The following RTN4 variants were observed in gnomAD, a reference collection of about 807,000 sequenced individuals.
RTN4 encodes the protein reticulon 4.
In RTN4, 32 loss-of-function variants were observed where a neutral mutation model predicts 90.4. The observed-to-expected ratio is 0.35, with a 90% CI of 0.27 to 0.48. The LOEUF (loss-of-function observed/expected upper bound fraction) is 0.48. RTN4 is among the 20% of genes least tolerant of loss of function. The probability of loss-of-function intolerance (pLI) is 0.99; values close to 1 mark genes in which losing one functional copy is unlikely to be tolerated. For synonymous variants in RTN4, 629 were observed against 552.5 expected (o/e 1.14, Z -1.94); for missense variants, 1,706 against 1,430.2 (o/e 1.19, Z -3.11).
At chr2:55,004,664 T>C (rs1281907369) in intron 3 of RTN4, among the ~76,000 whole-genome samples, 1 of 152,164 alleles carries the variant, frequency 6.6e-6, no homozygotes, top group Non-Finnish European at 1.5e-5. Flanking sequence ...TAAACCTGGC[T>C]GAACAATGGA....
At chr2:55,032,797 G>C (rs1451965535) in intron 1 of RTN4, among the ~76,000 whole-genome samples, 1 of 152,148 alleles carries the variant, frequency 6.6e-6, no homozygotes, top group Admixed American at 6.5e-5. Flanking sequence ...GGAGGCCAAA[G>C]TGGGAGGACC....
intron 1 of RTN4, among the ~76,000 whole-genome samples, chr2:55,105,071 C>T (rs761283416): frequency 2.0e-5 from 3 of 151,478 alleles, no homozygotes; most frequent in African/African-American, 4.9e-5. Flanking sequence ...CCTCCCAAAA[C>T]GCTGGGATTA....
chr2:55,031,587 A>C (rs1490374859), intron 1 of RTN4, among the ~76,000 whole-genome samples: 1 of 152,222 alleles, frequency 6.6e-6, no homozygotes, highest in East Asian at 1.9e-4. Flanking sequence ...GAAAGTGCTG[A>C]AGACCTGATC....
At chr2:54,982,791 TA>T in intron 4 of RTN4, 138 bp from the exon 5 acceptor site, 1 of 899,846 alleles carries the variant, frequency 1.1e-6, no homozygotes, top group Non-Finnish European at 1.7e-6. Flanking sequence ...AGGGGCAATA[TA>T]AAAACTCAGC....
chr2:55,068,678 A>AGGGG (rs753135042), intron 2 of RTN4, among the ~76,000 whole-genome samples: 2 of 50,368 alleles, frequency 4.0e-5, no homozygotes, highest in Admixed American at 2.8e-4. Context: ...ACAAAAAAAA[A>AGGGG]GGGGGGGGGG....
At chr2:55,059,064 C>G (rs1451102348) in intron 2 of RTN4, among the ~76,000 whole-genome samples, 3 of 151,968 alleles carry the variant, frequency 2.0e-5, no homozygotes, top group African/African-American at 7.3e-5. Flanking sequence ...TGCCAGAAAA[C>G]TTGGGTTCTA....
At chr2:54,977,714 T>G (rs1170465542) in intron 5 of RTN4, among the ~76,000 whole-genome samples, 1 of 152,148 alleles carries the variant, frequency 6.6e-6, no homozygotes, top group African/African-American at 2.4e-5. Flanking sequence ...CCACAACTTT[T>G]TAAAACAGTG....
intron 1 of RTN4, among the ~76,000 whole-genome samples, chr2:55,087,649 C>T (rs1668867746): frequency 6.6e-6 from 1 of 152,036 alleles, no homozygotes; most frequent in Admixed American, 6.6e-5. Flanking sequence ...GACACAAAGA[C>T]TGTTCTTATT....
chr2:55,010,217 C>T (rs200416344), intron 3 of RTN4: 2 of 1,590,482 alleles, frequency 1.3e-6, no homozygotes, highest in East Asian at 2.2e-5. Flanking sequence ...ACATGAAATA[C>T]CCGTTTCCTC....
At position 55,012,790 on chromosome 2, in the gene RTN4, G is replaced by GC. The variant is rs1573378832; in HGVS notation, c.3013+12295dup. On this transcript the variant is annotated intron_variant, in intron 3 of 8. Coordinates refer to ENST00000337526, the MANE Select transcript of RTN4 (RefSeq NM_020532.5). ...TAACCCAATCTTTCTAAACAGAATT[G>GC]CCCCCTCTCATACACAAACTATTGT... Among the ~76,000 whole-genome samples the GC allele has an allele frequency of 2.0e-5, 3 of 152,112 alleles. No homozygotes were observed. The East Asian group carries it at 5.8e-4, about 29-fold the overall frequency.
intron 3 of RTN4, among the ~76,000 whole-genome samples, chr2:55,005,691 A>T (rs1334824195): frequency 6.6e-6 from 1 of 152,160 alleles, no homozygotes; most frequent in Non-Finnish European, 1.5e-5. Context: ...GTGGGACTAG[A>T]ATATGTTGGA....
intron 3 of RTN4, among the ~76,000 whole-genome samples, chr2:55,018,729 A>C (rs2104826852): frequency 6.6e-6 from 1 of 152,232 alleles, no homozygotes; most frequent in South Asian, 2.1e-4. Flanking sequence ...ATGTGAACTC[A>C]TTTCTTAAGT....
rs1677246517 is a variant in RTN4 at position 54,973,115 on chromosome 2, C to A, written c.*41G>T. 1 of 1,541,992 alleles carries A rather than the reference C, an allele frequency of 6.5e-7. No individual in the cohort carries two copies. The highest frequency in any genetic ancestry group is 1.4e-5 in the African/African-American group (1 of 73,684). On this transcript the variant is annotated 3_prime_UTR_variant, in exon 9 of 9. Transcript: ENST00000337526. Reference sequence around the variant, plus strand: ...CTCCCCCGTATAATCAAATGAATATCCCCTTTAAAGATGAACTCCTACTAA... The same window carrying A: ...CTCCCCCGTATAATCAAATGAATATACCCTTTAAAGATGAACTCCTACTAA...
intron 3 of RTN4, among the ~76,000 whole-genome samples, chr2:55,009,316 T>C (rs1218498178): frequency 6.6e-6 from 1 of 152,160 alleles, no homozygotes; most frequent in African/African-American, 2.4e-5. Context: ...TACCACTTTC[T>C]TTTAAAGAAA....
the RTN4 span, among the ~76,000 whole-genome samples, chr2:55,126,199 A>G: frequency 1.3e-5 from 2 of 152,088 alleles, no homozygotes; most frequent in African/African-American, 2.4e-5. Flanking sequence ...GAGAAACCCC[A>G]TCTCTACTGA....
In RTN4 at chr2:55,089,593, G is replaced by A. The variant is rs75637056; in HGVS notation, c.-213-8954C>T. ...TGTACTTAAAATTCAGCGTTTAAGGGACAGAGACGTCCTGCTCCAACTAAG... is the reference window on the plus strand; with the variant it reads ...TGTACTTAAAATTCAGCGTTTAAGGAACAGAGACGTCCTGCTCCAACTAAG... On this transcript the variant is annotated intron_variant, in intron 1 of 3. Coordinates refer to the RTN4 transcript ENST00000427710. Among the ~76,000 whole-genome samples, 76 of 152,356 alleles carry A rather than the reference G, an allele frequency of 5.0e-4. 1 individual carries two copies. In the East Asian group the frequency reaches 0.013, roughly 26 times the overall value.
rs566722529 is a variant in RTN4, at chr2:55,028,191, A to G, written c.586T>C (p.Ser196Pro). 4 of 1,613,178 alleles carry G rather than the reference A, an allele frequency of 2.5e-6. No individual in the cohort carries two copies. In the South Asian group the frequency reaches 4.4e-5, roughly 18 times the overall value. Reference sequence around the variant, plus strand: ...GCAGAGGAGCGTATCACAGGCTCAGATGCAGCAGGAAGAGCAAAAAGGGTC... The same window carrying G: ...GCAGAGGAGCGTATCACAGGCTCAGGTGCAGCAGGAAGAGCAAAAAGGGTC... ...DETLFALPAASEPVIRSSAEN... is the reference protein window; with the variant it reads ...DETLFALPAAPEPVIRSSAEN... Residue 196 changes from serine (S) to proline (P), a missense_variant, in exon 2 of 9, where the codon TCT (serine) becomes CCT (proline). By Grantham distance (74) the Ser-to-Pro change is moderately conservative (BLOSUM62 -1). Coordinates refer to ENST00000337526, the MANE Select transcript of RTN4 (RefSeq NM_020532.5).
At chr2:55,102,382 GC>G (rs1427650656) in intron 1 of RTN4, among the ~76,000 whole-genome samples, 4 of 152,096 alleles carry the variant, frequency 2.6e-5, no homozygotes, top group African/African-American at 9.7e-5. Flanking sequence ...TGCTGTCTCT[GC>G]CAAAATGGCT....
At chr2:55,046,093 C>T (rs1325280435) in intron 1 of RTN4, among the ~76,000 whole-genome samples, 2 of 152,204 alleles carry the variant, frequency 1.3e-5, no homozygotes, top group African/African-American at 4.8e-5. Flanking sequence ...TCATAAATAA[C>T]GTAAACAGCA....
Sources: gnomAD v4.1 joint callset for allele counts (sites outside exome capture counted in the v4.1 genomes callset) on GRCh38, gnomAD v4.1.1 for gene constraint, MANE v1.5 for transcripts, NCBI Gene and HGNC (gene_info 2026-07-23, HGNC 2026-07-21) for gene names.